TNN: variants seen among roughly 807,000 people sequenced by gnomAD.
TNN encodes the protein tenascin-N.
TNN carries 122 observed loss-of-function variants against 134.4 expected under a neutral mutation model. The observed-to-expected ratio is 0.91, with a 90% CI of 0.78 to 1.06. The LOEUF (loss-of-function observed/expected upper bound fraction) is 1.06. Ranked by LOEUF, TNN falls within the 50% of genes least tolerant of loss-of-function variation. The pLI is 0.00. For missense variants in TNN, 1,739 were observed against 1,699.4 expected (o/e 1.02, Z -0.41); for synonymous variants, 710 against 670.3 (o/e 1.06, Z -0.91).
chr1:175,118,717 G>T lies in TNN; in HGVS notation c.2543G>T (p.Ser848Ile). The T allele has an allele frequency of 6.2e-7, 1 of 1,614,244 alleles. No individual in the cohort carries two copies. The highest frequency in any genetic ancestry group is 1.1e-5 in the South Asian group (1 of 91,088). The change falls in exon 11 of 19, where the codon AGC (serine) becomes ATC (isoleucine). Residue 848 changes from serine (S) to isoleucine (I), a missense_variant. Ser to Ile is a moderately radical substitution (Grantham distance 142). Transcript: ENST00000239462. ...TREVPVGKEQ[S>I]STVLTGLRPG... is the part of the protein sequence containing the mutation. Reference sequence around the variant, plus strand: ...GAGGTTCCAGTGGGGAAGGAGCAGAGCAGCACTGTCCTGACGGGCCTGAGG... The same window carrying T: ...GAGGTTCCAGTGGGGAAGGAGCAGATCAGCACTGTCCTGACGGGCCTGAGG...
At chr1:175,073,461 G>A (rs1276457189) in intron 1 of TNN, among the ~76,000 whole-genome samples, 2 of 152,142 alleles carry the variant, frequency 1.3e-5, no homozygotes, top group Non-Finnish European at 2.9e-5. Context: ...GAGCTTTTCT[G>A]GTGGCTTTTG....
chr1:175,136,343 C>T (rs1396808045), intron 16 of TNN, among the ~76,000 whole-genome samples: 3 of 152,276 alleles, frequency 2.0e-5, no homozygotes, highest in East Asian at 1.9e-4. Flanking sequence ...CTCTGCTCTC[C>T]TCTGGAGCAG....
At chr1:175,072,323 T>C (rs986927679) in intron 1 of TNN, among the ~76,000 whole-genome samples, 14 of 152,344 alleles carry the variant, frequency 9.2e-5, no homozygotes, top group Admixed American at 9.1e-4. Context: ...ACAATGATTC[T>C]TGGGGACAAC....
rs752243205 is a variant in TNN, at chr1:175,118,567, A to G, written c.2393A>G (p.Asp798Gly). Residue 798 changes from aspartate to glycine, a missense_variant, in exon 11 of 19, where the codon GAC (aspartate) becomes GGC (glycine). Coordinates refer to ENST00000239462, the MANE Select transcript of TNN (RefSeq NM_022093.2). Reference protein sequence around the residue: ...KADTKAQTDIDSPQNLVTDWV... With the variant: ...KADTKAQTDIGSPQNLVTDWV... Reference sequence around the variant, plus strand: ...TCAGCATTTTTTTTTTCAGACATTGACAGCCCCCAAAACCTGGTCACTGAC... The same window carrying G: ...TCAGCATTTTTTTTTTCAGACATTGGCAGCCCCCAAAACCTGGTCACTGAC... 25 of 1,613,090 alleles carry G rather than the reference A, an allele frequency of 1.5e-5. No homozygotes were observed. The highest frequency in any genetic ancestry group is 2.7e-5 in the African/African-American group (2 of 74,828).
chr1:175,102,418 G>A (rs1333460304), intron 9 of TNN, among the ~76,000 whole-genome samples: 2 of 146,252 alleles, frequency 1.4e-5, no homozygotes, highest in African/African-American at 2.5e-5. Flanking sequence ...CTTAGGCATG[G>A]CGGGCTGCAG....
intron 7 of TNN, among the ~76,000 whole-genome samples, chr1:175,095,845 A>C (rs1156451759): frequency 6.6e-6 from 1 of 152,158 alleles, no homozygotes; most frequent in Non-Finnish European, 1.5e-5. Flanking sequence ...AAGTGCTGGG[A>C]AATACAGGCG....
chr1:175,123,687 G>A (rs1180886711), intron 12 of TNN, 24 bp downstream of exon 12: 1 of 1,613,482 alleles, frequency 6.2e-7, no homozygotes, highest in South Asian at 1.1e-5. Flanking sequence ...CCAGGCCAGG[G>A]GAACACCTCA....
At chr1:175,098,280 T>C (rs1284439411) in intron 8 of TNN, 52 bp from the exon 9 acceptor site, 3 of 1,612,596 alleles carry the variant, frequency 1.9e-6, no homozygotes, top group Non-Finnish European at 2.5e-6. Context: ...GGGGTAAGGA[T>C]ATGTCTTCCA....
chr1:175,115,416 A>G (rs1675139932), intron 9 of TNN, among the ~76,000 whole-genome samples: 2 of 152,114 alleles, frequency 1.3e-5, no homozygotes, highest in South Asian at 2.1e-4. Flanking sequence ...GAGCTGTTTT[A>G]CCAAAGTAAT....
At chr1:175,077,343 C>T in intron 1 of TNN, 41 bp from the exon 2 acceptor site, 2 of 1,471,986 alleles carry the variant, frequency 1.4e-6, no homozygotes, top group Non-Finnish European at 1.8e-6. Flanking sequence ...CTTCCCTCAG[C>T]ACATCTCCGT....
At chr1:175,099,295 C>T (rs567246626) in intron 9 of TNN, among the ~76,000 whole-genome samples, 13 of 152,120 alleles carry the variant, frequency 8.5e-5, no homozygotes, top group Admixed American at 7.2e-4. Context: ...TTATCTTTGG[C>T]GTTGCTGGGA....
chr1:175,079,440 G>A lies in TNN; in HGVS notation c.517G>A (p.Gly173Arg), dbSNP rs760781433. 5.1e-6 allele frequency: 8 copies of A among 1,579,652 alleles called. No individual in the cohort carries two copies. Among genetic ancestry groups the A allele is most frequent in the Non-Finnish European group, 2.6e-6 (3 of 1,166,156 alleles). The change falls in exon 3 of 19, where the codon GGG (glycine) becomes AGG (arginine). Residue 173 changes from glycine (G) to arginine (R), a missense_variant. By Grantham distance (125) the Gly-to-Arg change is moderately radical (BLOSUM62 -2). Coordinates refer to ENST00000239462, the MANE Select transcript of TNN (RefSeq NM_022093.2). ...GPACERLACP[G>R]ACSGHGRCVD... ...CGCCTGCGAGCGGCTGGCCTGCCCC[G>A]GGGCGTGCAGCGGCCACGGGCGTTG... is the stretch of plus-strand genomic sequence containing the variant.
At chr1:175,072,956 CG>C (rs1673954980) in intron 1 of TNN, among the ~76,000 whole-genome samples, 1 of 39,976 alleles carries the variant, frequency 2.5e-5, no homozygotes, top group Non-Finnish European at 4.3e-5. Context: ...TTTTTGCTTT[CG>C]TTGAGAACTT....
chr1:175,132,179 A>G (rs1198591865), intron 15 of TNN, among the ~76,000 whole-genome samples: 1 of 152,110 alleles, frequency 6.6e-6, no homozygotes, highest in Non-Finnish European at 1.5e-5. Context: ...AAGGGGTTGG[A>G]CCAGGCACCT....
intron 1 of TNN, among the ~76,000 whole-genome samples, chr1:175,070,624 A>G (rs1362913857): frequency 6.6e-6 from 1 of 152,236 alleles, no homozygotes; most frequent in Non-Finnish European, 1.5e-5. Context: ...GCTGTCTTGT[A>G]TCCTATATGC....
At chr1:175,098,948 C>T (rs562652159) in intron 9 of TNN, among the ~76,000 whole-genome samples, 1 of 152,182 alleles carries the variant, frequency 6.6e-6, no homozygotes, top group Admixed American at 6.5e-5. Flanking sequence ...GTGATCAATC[C>T]CTTAAAAAAA....
chr1:175,098,181 T>C, intron 8 of TNN, 151 bp from the exon 9 acceptor site: 1 of 1,161,110 alleles, frequency 8.6e-7, no homozygotes, highest in Non-Finnish European at 1.2e-6. Context: ...CAAGGGCTAC[T>C]TTCTCCTTAG....
chr1:175,073,528 T>A (rs1310727989), intron 1 of TNN, among the ~76,000 whole-genome samples: 3 of 152,178 alleles, frequency 2.0e-5, no homozygotes, highest in African/African-American at 4.8e-5. Flanking sequence ...TGAGCCTCAG[T>A]CTCTCATCCA....
rs754849845 is a variant in TNN at position 175,098,464 on chromosome 1, A to G, written c.1988A>G (p.Glu663Gly). 8.1e-6 allele frequency: 13 copies of G among 1,614,022 alleles called. No homozygotes were observed. The highest frequency in any genetic ancestry group is 2.7e-5 in the African/African-American group (2 of 74,902). Residue 663 changes from glutamate to glycine, a missense_variant, in exon 9 of 19, where the codon GAG becomes GGG. Physicochemically the swap from Glu to Gly is moderately conservative, Grantham distance 98. Transcript: ENST00000239462. The stretch of plus-strand genomic sequence containing the variant: ...ACCTCTGCTGGTGGAGAGACCAGGG[A>G]GGTTCCGGTGGGGAAGGAGCAGAGC... ...RYTSAGGETR[E>G]VPVGKEQSST...
Sources: gnomAD v4.1 joint callset for allele counts (sites outside exome capture counted in the v4.1 genomes callset) on GRCh38, gnomAD v4.1.1 for gene constraint, MANE v1.5 for transcripts, NCBI Gene and HGNC (gene_info 2026-07-23, HGNC 2026-07-21) for gene names.